The following CCDC192 variants were observed in gnomAD, a reference collection of about 807,000 sequenced individuals.
CCDC192 encodes the protein coiled-coil domain containing 192.
intron 6 of CCDC192, among the ~76,000 whole-genome samples, chr5:127,898,160 G>A (rs932509204): frequency 6.6e-6 from 1 of 151,774 alleles, no homozygotes; most frequent in Admixed American, 6.6e-5. Context: ...CCAGGCTTGA[G>A]TGCAATGATG....
intron 6 of CCDC192, among the ~76,000 whole-genome samples, chr5:127,898,389 G>A (rs1222948762): frequency 1.3e-5 from 2 of 152,128 alleles, no homozygotes; most frequent in Non-Finnish European, 2.9e-5. Context: ...GATTACAAGC[G>A]TGAGCCACTG....
chr5:127,928,285 A>G (rs1316207306), intron 6 of CCDC192, among the ~76,000 whole-genome samples: 1 of 152,248 alleles, frequency 6.6e-6, no homozygotes, highest in East Asian at 1.9e-4. Context: ...GACTAAAATC[A>G]AGGTGTCAAC....
intron 6 of CCDC192, among the ~76,000 whole-genome samples, chr5:127,891,251 G>A (rs1404253175): frequency 6.6e-6 from 1 of 152,206 alleles, no homozygotes; most frequent in East Asian, 1.9e-4. Flanking sequence ...ACAGGGTTTT[G>A]CCATGTTGGC....
chr5:127,776,548 A>G (rs931857933), intron 3 of CCDC192, among the ~76,000 whole-genome samples: 1 of 152,236 alleles, frequency 6.6e-6, no homozygotes, highest in Non-Finnish European at 1.5e-5. Flanking sequence ...GGCTGTAGAA[A>G]TTTGCATAAG....
chr5:127,899,320 G>C (rs553675757), intron 6 of CCDC192, among the ~76,000 whole-genome samples: 1 of 152,114 alleles, frequency 6.6e-6, no homozygotes, highest in African/African-American at 2.4e-5. Context: ...AAGGTTAAGG[G>C]ACCATCCAAA....
intron 6 of CCDC192, among the ~76,000 whole-genome samples, chr5:127,901,924 A>G (rs557331352): frequency 6.6e-6 from 1 of 152,354 alleles, no homozygotes; most frequent in East Asian, 1.9e-4. Flanking sequence ...ATTGTGATGA[A>G]TAAATTGTGT....
At chr5:127,847,972 T>G (rs2127078162) in intron 5 of CCDC192, among the ~76,000 whole-genome samples, 1 of 152,216 alleles carries the variant, frequency 6.6e-6, no homozygotes, top group Middle Eastern at 3.4e-3. Context: ...AATTTTTGTA[T>G]TTTCAGTAGA....
chr5:127,772,143 A>G (rs1358873776), intron 3 of CCDC192, among the ~76,000 whole-genome samples: 1 of 152,104 alleles, frequency 6.6e-6, no homozygotes, highest in African/African-American at 2.4e-5. Flanking sequence ...CCAGTTTCAC[A>G]GTTGGTTAAT....
chr5:127,707,800 A>T, intron 2 of CCDC192, 40 bp downstream of exon 2: 1 of 398,120 alleles, frequency 2.5e-6, no homozygotes, highest in Non-Finnish European at 4.4e-6. Flanking sequence ...ATTTAAAAAA[A>T]TCATTACAGG....
At chr5:127,896,406 A>G (rs1487868702) in intron 6 of CCDC192, among the ~76,000 whole-genome samples, 1 of 151,488 alleles carries the variant, frequency 6.6e-6, no homozygotes, top group African/African-American at 2.4e-5. Flanking sequence ...TCCCACTTGT[A>G]GCTCCTGATT....
chr5:127,920,708 G>C (rs921922082), intron 6 of CCDC192, among the ~76,000 whole-genome samples: 1 of 152,030 alleles, frequency 6.6e-6, no homozygotes, highest in African/African-American at 2.4e-5. Context: ...ACCGCGCCCG[G>C]CTGCTAAAGA....
intron 6 of CCDC192, among the ~76,000 whole-genome samples, chr5:127,930,001 C>G (rs1464190799): frequency 2.0e-5 from 3 of 152,156 alleles, no homozygotes; most frequent in African/African-American, 7.2e-5. Context: ...GTTAGGAGTT[C>G]AAGACCAGCC....
rs139175547 is a variant in CCDC192 at position 127,867,250 on chromosome 5, A to G, written c.412-8288A>G. Among the ~76,000 whole-genome samples, 662 of 152,344 alleles carry G rather than the reference A, an allele frequency of 4.3e-3. 3 individuals are homozygous for G. The highest frequency in any genetic ancestry group is 0.015 in the African/African-American group (643 of 41,582). On this transcript the variant is annotated intron_variant, in intron 5 of 6. Coordinates refer to ENST00000514853, the MANE Select transcript of CCDC192 (RefSeq NM_001317938.2). Reference sequence around the variant, plus strand: ...CCCAGATAAGTCACAGATGGCCAATAGCTATTAATTTTCTTCTGGAAGACA... The same window carrying G: ...CCCAGATAAGTCACAGATGGCCAATGGCTATTAATTTTCTTCTGGAAGACA...
chr5:127,738,256 G>A (rs1015155920), intron 2 of CCDC192, among the ~76,000 whole-genome samples: 4 of 145,358 alleles, frequency 2.8e-5, no homozygotes, highest in African/African-American at 5.2e-5. Context: ...TTGAATATTG[G>A]CCCCCACTCT....
Position 127,773,276 on chromosome 5 carries a change from G to A in CCDC192, c.222+18901G>A, listed in dbSNP as rs1229392371. Among the ~76,000 whole-genome samples the A allele has an allele frequency of 2.6e-5, 4 of 152,084 alleles. No homozygotes were observed. In the East Asian group the frequency reaches 7.7e-4, roughly 29 times the overall value. On this transcript the variant is annotated intron_variant, in intron 3 of 6. Coordinates refer to ENST00000514853, the MANE Select transcript of CCDC192 (RefSeq NM_001317938.2). ...AAATCATTTATTTTCTATTTTTAATGGAGGTAAAATTCACAGAACTTAGAA... is the reference window on the plus strand; with the variant it reads ...AAATCATTTATTTTCTATTTTTAATAGAGGTAAAATTCACAGAACTTAGAA...
intron 3 of CCDC192, among the ~76,000 whole-genome samples, chr5:127,758,136 C>T (rs1312916237): frequency 1.3e-5 from 2 of 152,108 alleles, no homozygotes; most frequent in Admixed American, 6.5e-5. Flanking sequence ...TATCTGTTAG[C>T]TTTGCCTCTG....
chr5:127,801,572 C>T (rs1338520080), intron 5 of CCDC192, among the ~76,000 whole-genome samples: 1 of 152,138 alleles, frequency 6.6e-6, no homozygotes, highest in Non-Finnish European at 1.5e-5. Flanking sequence ...TGTGATTTTG[C>T]TCACAGTATT....
intron 6 of CCDC192, among the ~76,000 whole-genome samples, chr5:127,939,112 T>G (rs370628652): frequency 9.0e-6 from 1 of 110,650 alleles, no homozygotes; most frequent in African/African-American, 4.5e-5. Flanking sequence ...ACCAACATCT[T>G]TTTTTTTTTT....
At chr5:127,844,281 A>G (rs1750428689) in intron 5 of CCDC192, among the ~76,000 whole-genome samples, 1 of 152,208 alleles carries the variant, frequency 6.6e-6, no homozygotes, top group African/African-American at 2.4e-5. Context: ...TAGCTTAATC[A>G]TTTCATCCCT....
Sources: allele counts gnomAD v4.1 joint callset (sites outside exome capture counted in the v4.1 genomes callset), GRCh38; gene constraint gnomAD v4.1.1; transcripts MANE v1.5; gene names NCBI Gene and HGNC (gene_info 2026-07-23, HGNC 2026-07-21).